FBN1: variants seen among roughly 807,000 people sequenced by gnomAD.
FBN1 encodes the protein fibrillin-1.
FBN1 carries 29 observed loss-of-function variants against 365.1 expected under a neutral mutation model. That is an observed-to-expected ratio of 0.08 (90% confidence interval 0.06 to 0.11). The LOEUF (loss-of-function observed/expected upper bound fraction) is 0.11, where lower values mean the gene tolerates loss of function less well. FBN1 is among the 10% of genes least tolerant of loss of function. The pLI, the probability that FBN1 is intolerant of heterozygous loss-of-function variation, is 1.00. For synonymous variants in FBN1, 1,210 were observed against 1,270.5 expected, an observed-to-expected ratio of 0.95 and a Z score of 1.01; for missense variants, 2,476 against 3,703.2, an observed-to-expected ratio of 0.67 and a Z score of 8.60.
intron 46 of FBN1, among the ~76,000 whole-genome samples, chr15:48,447,498 C>T (rs992099671): frequency 6.6e-6 from 1 of 152,150 alleles, no homozygotes; most frequent in African/African-American, 2.4e-5. Context: ...TGTAAAGCTA[C>T]TCTGACATCT....
At chr15:48,508,523 C>G in intron 15 of FBN1, 59 bp downstream of exon 15, 4 of 1,610,702 alleles carry the variant, frequency 2.5e-6, no homozygotes, top group Non-Finnish European at 3.4e-6. Context: ...TACCTCTAAA[C>G]AACATAAGGA....
At chr15:48,617,719 G>A (rs904945778) in intron 2 of FBN1, among the ~76,000 whole-genome samples, 1 of 152,194 alleles carries the variant, frequency 6.6e-6, no homozygotes, top group African/African-American at 2.4e-5. Flanking sequence ...CAGAGAGCCT[G>A]TGGACTGGCA....
intron 65 of FBN1, among the ~76,000 whole-genome samples, chr15:48,411,603 C>A (rs1046605746): frequency 6.6e-6 from 1 of 152,202 alleles, no homozygotes; most frequent in African/African-American, 2.4e-5. Flanking sequence ...AGGTTGAAAT[C>A]ATTTGTATCT....
intron 50 of FBN1, among the ~76,000 whole-genome samples, chr15:48,441,209 TA>T (rs2043112138): frequency 1.3e-5 from 2 of 152,206 alleles, no homozygotes; most frequent in Admixed American, 6.6e-5. Context: ...GTATTATTCC[TA>T]AAAATGAACA....
At chr15:48,612,219 G>T (rs1284349626) in intron 3 of FBN1, among the ~76,000 whole-genome samples, 2 of 152,090 alleles carry the variant, frequency 1.3e-5, no homozygotes, top group Non-Finnish European at 2.9e-5. Context: ...GCAAATATTG[G>T]CCAATATAGT....
intron 32 of FBN1, among the ~76,000 whole-genome samples, chr15:48,475,234 T>C (rs184447299): frequency 4.0e-4 from 61 of 152,310 alleles, no homozygotes; most frequent in Non-Finnish European, 6.8e-4. Flanking sequence ...AGACAGTATA[T>C]AAGCCATCTT....
chr15:48,465,542 C>T (rs775095814), intron 40 of FBN1, 26 bp downstream of exon 40: 3 of 1,613,540 alleles, frequency 1.9e-6, no homozygotes, highest in Non-Finnish European at 2.5e-6. Flanking sequence ...TCTGCAAGAC[C>T]TTATCATCCT....
At chr15:48,584,695 T>C (rs1465302119) in intron 6 of FBN1, among the ~76,000 whole-genome samples, 1 of 152,110 alleles carries the variant, frequency 6.6e-6, no homozygotes, top group Non-Finnish European at 1.5e-5. Flanking sequence ...AAATAAGGTC[T>C]GAAAAGAAAT....
chr15:48,540,532 TCTTA>T (rs1476403743), intron 6 of FBN1, among the ~76,000 whole-genome samples: 12 of 152,228 alleles, frequency 7.9e-5, no homozygotes, highest in Non-Finnish European at 1.8e-4. Context: ...TCAGTAATTT[TCTTA>T]CTGTCTATCA....
rs2042861973 is a variant in FBN1 at position 48,411,351 on chromosome 15, C to T, written c.8255G>A (p.Ser2752Asn). 2 of 1,614,042 alleles carry T rather than the reference C, an allele frequency of 1.2e-6. No homozygotes were observed. Among genetic ancestry groups the T allele is most frequent in the Non-Finnish European group, 8.5e-7 (1 of 1,179,984 alleles). Residue 2752 changes from serine to asparagine, a missense_variant, in exon 66 of 66, where the codon AGT (serine) becomes AAT (asparagine). Ser to Asn is a conservative substitution (Grantham distance 46, BLOSUM62 1). Coordinates refer to ENST00000316623, the MANE Select transcript of FBN1 (RefSeq NM_000138.5). ...EDQSETEANV[S>N]LASWDVEKTA... ...CTTCTCAACATCCCAACTTGCAAGA[C>T]TCACATTGGCTTCTGTCTCAGACTG...
chr15:48,542,780 G>GGT (rs1566923362), intron 6 of FBN1, among the ~76,000 whole-genome samples: 1 of 79,168 alleles, frequency 1.3e-5, no homozygotes, highest in Admixed American at 1.4e-4. Context: ...AGGACTCTAA[G>GGT]ATGTGTGTGT....
intron 3 of FBN1, among the ~76,000 whole-genome samples, chr15:48,611,879 T>C (rs1458767129): frequency 6.6e-6 from 1 of 152,210 alleles, no homozygotes; most frequent in African/African-American, 2.4e-5. Flanking sequence ...AGTGCAAACA[T>C]GATATGCAAG....
intron 1 of FBN1, among the ~76,000 whole-genome samples, chr15:48,645,218 G>T (rs1247162536): frequency 6.6e-6 from 1 of 152,182 alleles, no homozygotes; most frequent in Non-Finnish European, 1.5e-5. Context: ...TAAGCCCCGG[G>T]CGAGCTCTCT....
rs1170632495 is a variant in FBN1, at chr15:48,415,696, ACTTG to A, written c.7887_7890del (p.Lys2630AlafsTer51). The A allele has an allele frequency of 6.2e-7, 1 of 1,614,210 alleles. No individual in the cohort carries two copies. The highest frequency in any genetic ancestry group is 8.5e-7 in the Non-Finnish European group (1 of 1,180,026). The stretch of plus-strand genomic sequence containing the variant: ...TACTGGAAGCCGGCGGGACACATGC[ACTTG>A]TAGCTCCCCAGGGTGTTGTGACAGG... On this transcript the variant is annotated frameshift_variant, in exon 64 of 66. Coordinates refer to ENST00000316623, the MANE Select transcript of FBN1 (RefSeq NM_000138.5). LOFTEE classifies it high-confidence loss of function.
At position 48,613,267 on chromosome 15, in the gene FBN1, G is replaced by A. The variant is rs530631922; in HGVS notation, c.165-175C>T. On this transcript the variant is annotated intron_variant, in intron 2 of 65. Transcript: ENST00000316623. ...TGGTAGCTTGGGACACTAACATAGT[G>A]ATATCAACAGGGACATCCCTTAATA... Among the ~76,000 whole-genome samples the A allele has an allele frequency of 2.0e-5, 3 of 152,294 alleles. No individual in the cohort carries two copies. The South Asian group carries it at 6.2e-4, about 32-fold the overall frequency.
At chr15:48,610,958 T>C in intron 3 of FBN1, 132 bp from the exon 4 acceptor site, 1 of 724,442 alleles carries the variant, frequency 1.4e-6, no homozygotes, top group Non-Finnish European at 2.5e-6. Flanking sequence ...TATATGACCT[T>C]AAGCCTCAGG....
intron 6 of FBN1, among the ~76,000 whole-genome samples, chr15:48,551,349 C>CT (rs2044140306): frequency 6.6e-6 from 1 of 152,082 alleles, no homozygotes; most frequent in Non-Finnish European, 1.5e-5. Context: ...CAAGACACAC[C>CT]TTTTAATCCA....
intron 8 of FBN1, among the ~76,000 whole-genome samples, chr15:48,529,900 T>G (rs1189774657): frequency 7.0e-6 from 1 of 143,634 alleles, no homozygotes; most frequent in Non-Finnish European, 1.5e-5. Flanking sequence ...TTCTTATCCA[T>G]GCTGCATCCG....
At chr15:48,415,423 A>G in intron 64 of FBN1, 113 bp downstream of exon 64, 1 of 837,622 alleles carries the variant, frequency 1.2e-6, no homozygotes, top group Non-Finnish European at 2.0e-6. Flanking sequence ...TAATTTTAGG[A>G]TTACAAAAAG....
Sources: gnomAD v4.1 joint callset for allele counts (sites outside exome capture counted in the v4.1 genomes callset) on GRCh38, gnomAD v4.1.1 for gene constraint, MANE v1.5 for transcripts, NCBI Gene and HGNC (gene_info 2026-07-23, HGNC 2026-07-21) for gene names.